The following SEZ6 variants were observed in gnomAD, a reference collection of about 807,000 sequenced individuals.
SEZ6 encodes seizure related 6 homolog, also known as seizure protein 6 homolog.
Under a neutral mutation model 101.0 loss-of-function variants are expected in SEZ6, and 53 were observed. That is an observed-to-expected ratio of 0.52 (90% CI 0.42 to 0.66). SEZ6 has a LOEUF of 0.66. Among genes scored for constraint, SEZ6 ranks in the 30% least tolerant of loss-of-function variants. SEZ6 has a pLI of 0.00. For missense variants in SEZ6, 1,102 were observed against 1,289.4 expected, an observed-to-expected ratio of 0.85 and a Z score of 2.23; for synonymous variants, 488 against 512.2, an observed-to-expected ratio of 0.95 and a Z score of 0.64.
rs1314625252 is a variant in SEZ6, at chr17:28,979,812, G to T, written c.726C>A (p.Gly242=). ...GGCCTGAGAAATTCCAGCTACAAGG[G>T]CCTGGGAGGCAGGAGGAGACACAAA... ...TTTITTVQTP[G]PCSWNFSGPE... The change falls in exon 3 of 17, where the codon GGC becomes GGA. Residue 242 remains glycine (G), a splice_region_variant and synonymous_variant. Coordinates refer to ENST00000317338, the MANE Select transcript of SEZ6 (RefSeq NM_178860.5). 4 of 1,607,804 alleles carry T rather than the reference G, an allele frequency of 2.5e-6. No individual in the cohort carries two copies. In the Admixed American group the frequency reaches 5.1e-5, roughly 20 times the overall value.
chr17:28,995,369 G>A (rs1183321886), intron 1 of SEZ6, among the ~76,000 whole-genome samples: 1 of 152,186 alleles, frequency 6.6e-6, no homozygotes, highest in East Asian at 1.9e-4. Context: ...CATTAGGTGA[G>A]GAATAGGAGT....
At chr17:28,996,370 CTTT>C (rs1384156326) in intron 1 of SEZ6, among the ~76,000 whole-genome samples, 5 of 152,274 alleles carry the variant, frequency 3.3e-5, no homozygotes, top group African/African-American at 1.2e-4. Context: ...TCCCAGGCAC[CTTT>C]TGCCTGAGGG....
rs530432033 is a variant in SEZ6 at position 28,965,316 on chromosome 17, C to T, written c.1055-1169G>A. Among the ~76,000 whole-genome samples the T allele has an allele frequency of 1.2e-4, 19 of 152,280 alleles. No homozygotes were observed. The East Asian group carries it at 1.3e-3, about 11-fold the overall frequency. ...GCAGTGAGCCGAGATCGTGCCATTG[C>T]GCTCCAGCCTAGGGGACGAGAGCGA... On this transcript the variant is annotated intron_variant, in intron 4 of 16. Coordinates refer to ENST00000317338, the MANE Select transcript of SEZ6 (RefSeq NM_178860.5).
chr17:28,987,270 C>T lies in SEZ6; in HGVS notation c.56-5231G>A, dbSNP rs918394391. On this transcript the variant is annotated intron_variant, in intron 1 of 16. Coordinates refer to ENST00000317338, the MANE Select transcript of SEZ6 (RefSeq NM_178860.5). ...GTGAGGGCCTGGTCCCTGCAGACCCCTATTATCCGAGAACCTGAGGGAGCT... is the reference window on the plus strand; with the variant it reads ...GTGAGGGCCTGGTCCCTGCAGACCCTTATTATCCGAGAACCTGAGGGAGCT... 3.9e-5 allele frequency among the ~76,000 whole-genome samples: 6 copies of T among 152,304 alleles called. No homozygotes were observed. In the South Asian group the frequency reaches 1.2e-3, roughly 32 times the overall value.
At chr17:28,977,551 C>A (rs1325050512) in intron 3 of SEZ6, among the ~76,000 whole-genome samples, 3 of 152,206 alleles carry the variant, frequency 2.0e-5, no homozygotes, top group African/African-American at 4.8e-5. Flanking sequence ...CAGCACCAGA[C>A]AACAGACACG....
intron 4 of SEZ6, among the ~76,000 whole-genome samples, chr17:28,967,281 G>A (rs1188028532): frequency 1.3e-5 from 2 of 152,196 alleles, no homozygotes; most frequent in Non-Finnish European, 2.9e-5. Flanking sequence ...TTGGGAGAAA[G>A]GCAGGCAAGG....
At chr17:28,968,334 G>A (rs1043151651) in intron 4 of SEZ6, among the ~76,000 whole-genome samples, 1 of 152,260 alleles carries the variant, frequency 6.6e-6, no homozygotes, top group African/African-American at 2.4e-5. Flanking sequence ...GGCAGGACCA[G>A]GCCAGCTCTT....
chr17:28,987,995 C>T (rs1040779636), intron 1 of SEZ6, among the ~76,000 whole-genome samples: 13 of 152,192 alleles, frequency 8.5e-5, no homozygotes, highest in African/African-American at 2.9e-4. Flanking sequence ...CTAGCGCACT[C>T]GTGCCAGGAG....
At chr17:28,977,024 G>T (rs2041230327) in intron 3 of SEZ6, among the ~76,000 whole-genome samples, 1 of 152,266 alleles carries the variant, frequency 6.6e-6, no homozygotes, top group African/African-American at 2.4e-5. Flanking sequence ...CCAGTGCCCA[G>T]CGCAGAGCAT....
At chr17:29,001,274 C>T (rs1178098161) in intron 1 of SEZ6, among the ~76,000 whole-genome samples, 4 of 152,188 alleles carry the variant, frequency 2.6e-5, no homozygotes, top group African/African-American at 9.7e-5. Flanking sequence ...AACAGGAATT[C>T]TAGAGCTTCC....
rs903545886 is a variant in SEZ6, at chr17:28,962,696, G to A, written c.1240+1266C>T. On this transcript the variant is annotated intron_variant, in intron 5 of 16. Transcript: ENST00000317338. ...CTCTGGAGGGTGAGGCAGAAGAATC[G>A]CTTGAACCCGGGAGGTGGAGGTTGC... Among the ~76,000 whole-genome samples, 8 of 150,772 alleles carry A rather than the reference G, an allele frequency of 5.3e-5. No individual in the cohort carries two copies. The South Asian group carries it at 1.0e-3, about 20-fold the overall frequency.
chr17:28,993,945 A>C (rs1381543422), intron 1 of SEZ6, among the ~76,000 whole-genome samples: 4 of 152,086 alleles, frequency 2.6e-5, no homozygotes, highest in Admixed American at 6.5e-5. Flanking sequence ...GACCAAAGTT[A>C]CCTCCCTGAC....
At chr17:28,997,074 T>A (rs1304010446) in intron 1 of SEZ6, among the ~76,000 whole-genome samples, 1 of 151,950 alleles carries the variant, frequency 6.6e-6, no homozygotes, top group Non-Finnish European at 1.5e-5. Flanking sequence ...GCTCTTTCTA[T>A]CCTGGCTGGC....
intron 1 of SEZ6, among the ~76,000 whole-genome samples, chr17:28,989,898 C>A (rs2041433551): frequency 6.6e-6 from 1 of 152,084 alleles, no homozygotes; most frequent in Non-Finnish European, 1.5e-5. Flanking sequence ...ATGGTGAAAC[C>A]CCATTTCTAC....
intron 14 of SEZ6, 63 bp downstream of exon 14, chr17:28,956,656 C>G (rs1171936279): frequency 3.3e-5 from 51 of 1,548,872 alleles, no homozygotes; most frequent in Non-Finnish European, 4.5e-5. Flanking sequence ...AGCCCATGAC[C>G]TGGGAGCCGT....
In SEZ6 at chr17:28,971,067, C is replaced by T. The variant is rs112046168; in HGVS notation, c.859-1115G>A. Among the ~76,000 whole-genome samples, 461 of 152,302 alleles carry T rather than the reference C, an allele frequency of 3.0e-3. 1 individual carries two copies. Among genetic ancestry groups the T allele is most frequent in the African/African-American group, 0.01 (429 of 41,566 alleles). On this transcript the variant is annotated intron_variant, in intron 3 of 16. Coordinates refer to ENST00000317338, the MANE Select transcript of SEZ6 (RefSeq NM_178860.5). ...ATTCAGGCAAACAAGGATTGGACAA[C>T]GACGGACTCTGCCCAGAGGGAAATT... is the stretch of plus-strand genomic sequence containing the variant.
chr17:28,970,018 GCCCT>G, intron 3 of SEZ6, 66 bp from the exon 4 acceptor site: 2 of 1,428,526 alleles, frequency 1.4e-6, no homozygotes, highest in Non-Finnish European at 1.8e-6. Flanking sequence ...GGATCCTGCC[GCCCT>G]CAGGATCCTG....
At chr17:28,968,455 T>C (rs1042892571) in intron 4 of SEZ6, among the ~76,000 whole-genome samples, 6 of 152,188 alleles carry the variant, frequency 3.9e-5, no homozygotes, top group African/African-American at 1.4e-4. Context: ...TGCAAAGGAA[T>C]TTGCAGCAAG....
chr17:28,979,556 C>A, intron 3 of SEZ6, 124 bp downstream of exon 3: 3 of 1,408,338 alleles, frequency 2.1e-6, no homozygotes, highest in Middle Eastern at 1.8e-4. Flanking sequence ...CCAGCCCTGG[C>A]CTTAGGCGAT....
Sources: allele counts gnomAD v4.1 joint callset (sites outside exome capture counted in the v4.1 genomes callset), GRCh38; gene constraint gnomAD v4.1.1; transcripts MANE v1.5; gene names NCBI Gene and HGNC (gene_info 2026-07-23, HGNC 2026-07-21).